The following ABCB1 variants were observed in gnomAD, a reference collection of about 807,000 sequenced individuals.
ABCB1 encodes ATP binding cassette subfamily B member 1, also known as ATP-dependent translocase ABCB1.
ABCB1 carries 69 observed loss-of-function variants against 142.0 expected under a neutral mutation model. The observed-to-expected ratio is 0.49, with a 90% confidence interval of 0.40 to 0.59. The LOEUF (loss-of-function observed/expected upper bound fraction) is 0.59, where lower values mean the gene tolerates loss of function less well. ABCB1 is among the 20% of genes least tolerant of loss of function. The pLI is 0.00. For missense variants in ABCB1, 1,326 were observed against 1,554.7 expected (o/e 0.85, Z 2.47); for synonymous variants, 532 against 539.2 (o/e 0.99, Z 0.18).
intron 1 of ABCB1, chr7:87,628,975 C>A: frequency 7.7e-7 from 1 of 1,306,030 alleles, no homozygotes; most frequent in African/African-American, 1.5e-5. Flanking sequence ...GGGGAACCAG[C>A]CTCCCGCCGG....
At chr7:87,571,356 A>T (rs910670251) in intron 4 of ABCB1, among the ~76,000 whole-genome samples, 1 of 152,188 alleles carries the variant, frequency 6.6e-6, no homozygotes, top group Non-Finnish European at 1.5e-5. Context: ...GTTGTTCGAC[A>T]GTTTTGAGCA....
intron 13 of ABCB1, 62 bp from the exon 14 acceptor site, chr7:87,549,580 A>G: frequency 6.2e-7 from 1 of 1,612,018 alleles, no homozygotes; most frequent in Non-Finnish European, 8.5e-7. Flanking sequence ...CATATTTTAA[A>G]TTGGTAAGGA....
At chr7:87,660,179 G>T (rs1824543957) in intron 1 of ABCB1, among the ~76,000 whole-genome samples, 1 of 151,790 alleles carries the variant, frequency 6.6e-6, no homozygotes, top group Non-Finnish European at 1.5e-5. Context: ...TGGAATCATG[G>T]TCTATTAGGT....
chr7:87,638,484 G>A (rs1447828179), intron 1 of ABCB1, among the ~76,000 whole-genome samples: 2 of 152,112 alleles, frequency 1.3e-5, no homozygotes, highest in Non-Finnish European at 1.5e-5. Flanking sequence ...AATTGTCTTT[G>A]TGGGAAATCA....
intron 19 of ABCB1, 139 bp downstream of exon 19, chr7:87,539,129 G>A (rs967693471): frequency 4.7e-5 from 43 of 907,134 alleles, no homozygotes; most frequent in Admixed American, 8.0e-5. Context: ...CGGTTCAACC[G>A]CATCTCTGAC....
At chr7:87,543,853 T>G (rs995761664) in intron 17 of ABCB1, among the ~76,000 whole-genome samples, 1 of 152,318 alleles carries the variant, frequency 6.6e-6, no homozygotes, top group African/African-American at 2.4e-5. Context: ...TTGGCAGGTA[T>G]GAGAAAGTCA....
Position 87,628,981 on chromosome 7 carries a change from G to A in ABCB1, c.-330-27903C>T, listed in dbSNP as rs370537587. The A allele has an allele frequency of 2.8e-5, 36 of 1,304,070 alleles. No individual in the cohort carries two copies. The African/African-American group carries it at 4.4e-4, about 16-fold the overall frequency. 80.8% of individuals were successfully genotyped at this position (1,304,070 alleles called of 1,614,324 possible). On this transcript the variant is annotated intron_variant, in intron 1 of 28. Coordinates refer to the ABCB1 transcript ENST00000265724. ...GCAGGGCGAGGGGAACCAGCCTCCC[G>A]CCGGGGCTGAGAGCTCTGGGCTTCC...
intron 4 of ABCB1, among the ~76,000 whole-genome samples, chr7:87,575,592 C>T (rs1296569819): frequency 6.6e-6 from 1 of 152,082 alleles, no homozygotes; most frequent in African/African-American, 2.4e-5. Context: ...AACTACTCTT[C>T]TTGTGCAGAA....
intron 24 of ABCB1, among the ~76,000 whole-genome samples, chr7:87,516,154 G>C (rs186875016): frequency 6.6e-6 from 1 of 152,124 alleles, no homozygotes; most frequent in Non-Finnish European, 1.5e-5. Context: ...GCTGAGGCAG[G>C]AGGATCGCTT....
At chr7:87,605,442 C>G (rs978924861), upstream of ABCB1, among the ~76,000 whole-genome samples, 1 of 152,166 alleles carries the variant, frequency 6.6e-6, no homozygotes, top group Non-Finnish European at 1.5e-5. Flanking sequence ...CCTCCTCTAT[C>G]AACTTCTAAG....
At chr7:87,568,731 A>G (rs1041261916) in intron 5 of ABCB1, among the ~76,000 whole-genome samples, 2 of 152,222 alleles carry the variant, frequency 1.3e-5, no homozygotes, top group East Asian at 3.8e-4. Flanking sequence ...TAGAACACTA[A>G]GTTTTAGTTA....
At chr7:87,666,349 T>C (rs918128509) in intron 1 of ABCB1, among the ~76,000 whole-genome samples, 1 of 152,138 alleles carries the variant, frequency 6.6e-6, no homozygotes, top group South Asian at 2.1e-4. Flanking sequence ...TGTTTTTTCC[T>C]TGTAAATTTG....
At chr7:87,548,966 C>G (rs1563046961) in intron 14 of ABCB1, among the ~76,000 whole-genome samples, 1 of 152,104 alleles carries the variant, frequency 6.6e-6, no homozygotes, top group African/African-American at 2.4e-5. Context: ...TTGTATTTTT[C>G]TCTTCTTGGC....
At chr7:87,519,502 C>A (rs201465066) in intron 22 of ABCB1, 36 bp from the exon 23 acceptor site, 91 of 1,612,874 alleles carry the variant, frequency 5.6e-5, no homozygotes, top group Non-Finnish European at 6.4e-5. Flanking sequence ...ATTCCACTTT[C>A]ATTTCTCAGT....
Position 87,694,089 on chromosome 7 carries a change from TG to T in ABCB1, c.-331+19071del. 4.7e-6 allele frequency: 7 copies of T among 1,501,250 alleles called. No homozygotes were observed. In the South Asian group the frequency reaches 5.3e-5, roughly 11 times the overall value. 93.0% of individuals were successfully genotyped at this position (1,501,250 alleles called of 1,614,324 possible). On this transcript the variant is annotated intron_variant, in intron 1 of 28. Transcript: ENST00000265724. ...ATGGGTTTTGTAAAGCCTTCTTTTT[TG>T]TGTGTTTTTGTTTTTTTTTTTTAAT...
chr7:87,682,204 G>A (rs530357489), intron 1 of ABCB1, among the ~76,000 whole-genome samples: 4 of 152,246 alleles, frequency 2.6e-5, no homozygotes, highest in South Asian at 2.1e-4. Context: ...GTTCTCTTGC[G>A]ATTTCCATGT....
chr7:87,599,382 C>T (rs1424720738), intron 2 of ABCB1, among the ~76,000 whole-genome samples: 1 of 152,104 alleles, frequency 6.6e-6, no homozygotes, highest in Non-Finnish European at 1.5e-5. Context: ...TACTTTTGAC[C>T]TTCTGTCTCA....
chr7:87,609,110 T>C (rs898148283), intron 1 of ABCB1, among the ~76,000 whole-genome samples: 1 of 151,984 alleles, frequency 6.6e-6, no homozygotes, highest in Non-Finnish European at 1.5e-5. Context: ...ATTTTGTATG[T>C]TAAAAAGAGT....
At chr7:87,603,811 C>T (rs983011314), upstream of ABCB1, among the ~76,000 whole-genome samples, 10 of 152,186 alleles carry the variant, frequency 6.6e-5, no homozygotes, top group East Asian at 1.9e-4. Flanking sequence ...TAGGTTTGAA[C>T]GGGTTACTTA....
Sources: allele counts gnomAD v4.1 joint callset (sites outside exome capture counted in the v4.1 genomes callset), GRCh38; gene constraint gnomAD v4.1.1; transcripts MANE v1.5; gene names NCBI Gene and HGNC (gene_info 2026-07-23, HGNC 2026-07-21).